Variants in EPHA5 observed in about 807,000 individuals in gnomAD.
EPHA5 encodes ephrin type-A receptor 5.
A neutral mutation model predicts 105.0 loss-of-function variants in EPHA5; 60 were observed. The ratio of observed to expected loss-of-function variants is 0.57; its 90% CI spans 0.46 to 0.71. The LOEUF is 0.71. Ranked by LOEUF, EPHA5 falls within the 30% of genes least tolerant of loss-of-function variation. The pLI is 0.00. For missense variants in EPHA5, 1,218 were observed against 1,274.7 expected, an observed-to-expected ratio of 0.96 and a Z score of 0.68; for synonymous variants, 513 against 449.1, an observed-to-expected ratio of 1.14 and a Z score of -1.80.
intron 2 of EPHA5, among the ~76,000 whole-genome samples, chr4:65,618,028 A>G (rs1479498078): frequency 2.0e-5 from 3 of 152,162 alleles, no homozygotes; most frequent in Non-Finnish European, 4.4e-5. Flanking sequence ...CTCCTCATAT[A>G]AAATAGAATG....
intron 1 of EPHA5, among the ~76,000 whole-genome samples, chr4:65,649,807 T>C (rs1748437265): frequency 6.6e-6 from 1 of 152,200 alleles, no homozygotes; most frequent in African/African-American, 2.4e-5. Flanking sequence ...TTGGTCATGA[T>C]CACGATAGAC....
intron 15 of EPHA5, among the ~76,000 whole-genome samples, chr4:65,332,565 C>A (rs1720730106): frequency 7.1e-6 from 1 of 140,118 alleles, no homozygotes; most frequent in Non-Finnish European, 1.5e-5. Context: ...AATACAGGTT[C>A]ATCAACGGTA....
At chr4:65,520,807 A>G (rs1734620836) in intron 3 of EPHA5, among the ~76,000 whole-genome samples, 1 of 152,202 alleles carries the variant, frequency 6.6e-6, no homozygotes, top group Admixed American at 6.5e-5. Flanking sequence ...GAGAAATGCA[A>G]ATCAAAACCA....
intron 3 of EPHA5, among the ~76,000 whole-genome samples, chr4:65,586,421 T>C (rs540540001): frequency 6.6e-6 from 1 of 151,912 alleles, no homozygotes; most frequent in Non-Finnish European, 1.5e-5. Context: ...TAGTTCTTTT[T>C]ATATCTTCTT....
At chr4:65,396,909 A>G (rs982018129) in intron 8 of EPHA5, among the ~76,000 whole-genome samples, 1 of 152,182 alleles carries the variant, frequency 6.6e-6, no homozygotes, top group African/African-American at 2.4e-5. Context: ...TACAATAGGA[A>G]TCAGAAGGAG....
intron 2 of EPHA5, among the ~76,000 whole-genome samples, chr4:65,624,304 A>C (rs1745950217): frequency 6.6e-6 from 1 of 152,186 alleles, no homozygotes; most frequent in South Asian, 2.1e-4. Context: ...ATTTCCATGA[A>C]TCTTGAAAAT....
chr4:65,622,248 T>C (rs1745769389), intron 2 of EPHA5, among the ~76,000 whole-genome samples: 1 of 152,122 alleles, frequency 6.6e-6, no homozygotes, highest in Non-Finnish European at 1.5e-5. Flanking sequence ...TTATAGTTTT[T>C]GATTAAATCT....
At chr4:65,645,778 T>C (rs1748066313) in intron 1 of EPHA5, among the ~76,000 whole-genome samples, 1 of 152,086 alleles carries the variant, frequency 6.6e-6, no homozygotes, top group Admixed American at 6.5e-5. Context: ...CTTACAGTGA[T>C]ATGGTCAAAT....
intron 2 of EPHA5, among the ~76,000 whole-genome samples, chr4:65,610,742 G>A (rs4565129): frequency 0.31 from 46,684 of 151,848 alleles, 7,311 homozygotes; most frequent in Non-Finnish European, 0.33. Flanking sequence ...CAACCCTATT[G>A]TATAGGGTAC....
chr4:65,570,703 A>C (rs1740043605), intron 3 of EPHA5, among the ~76,000 whole-genome samples: 1 of 151,966 alleles, frequency 6.6e-6, no homozygotes. Flanking sequence ...CCATCTCTGA[A>C]AAAAAATCGT....
intron 2 of EPHA5, among the ~76,000 whole-genome samples, chr4:65,626,100 C>CA (rs11304193): frequency 0.29 from 38,099 of 131,208 alleles, 5,382 homozygotes; most frequent in Non-Finnish European, 0.33. Context: ...CACTCCGTCT[C>CA]AAAAAAAAAA....
intron 3 of EPHA5, among the ~76,000 whole-genome samples, chr4:65,530,060 T>C (rs1351273534): frequency 6.6e-6 from 1 of 152,102 alleles, no homozygotes; most frequent in Admixed American, 6.5e-5. Flanking sequence ...ACAGAGATAA[T>C]ATAAGTTTTG....
At chr4:65,593,260 A>T (rs1560746019) in intron 3 of EPHA5, among the ~76,000 whole-genome samples, 1 of 152,146 alleles carries the variant, frequency 6.6e-6, no homozygotes. Flanking sequence ...GAACATTTTG[A>T]GGGGGAGAAA....
intron 5 of EPHA5, among the ~76,000 whole-genome samples, chr4:65,484,919 A>T (rs914004046): frequency 2.6e-5 from 4 of 152,070 alleles, no homozygotes; most frequent in Non-Finnish European, 4.4e-5. Flanking sequence ...GATACATTTC[A>T]TAAGTCCTAA....
chr4:65,442,188 A>G (rs1726083121), intron 5 of EPHA5, among the ~76,000 whole-genome samples: 1 of 152,074 alleles, frequency 6.6e-6, no homozygotes, highest in African/African-American at 2.4e-5. Flanking sequence ...ATGCAATGGA[A>G]TTTAAAACGG....
Position 65,498,283 on chromosome 4 carries a change from A to C in EPHA5, c.911-2740T>G, listed in dbSNP as rs192741100. Among the ~76,000 whole-genome samples the C allele has an allele frequency of 2.0e-4, 30 of 152,064 alleles. No homozygotes were observed. In the East Asian group the frequency reaches 5.8e-3, roughly 29 times the overall value. On this transcript the variant is annotated intron_variant, in intron 3 of 16. Transcript: ENST00000613740. ...CCACAAAAACCTTACATATTTTATT[A>C]GATATTTGGTACTTTATTTTATAGG...
intron 15 of EPHA5, among the ~76,000 whole-genome samples, chr4:65,332,889 A>C (rs1215867168): frequency 1.3e-5 from 2 of 151,924 alleles, no homozygotes; most frequent in Non-Finnish European, 2.9e-5. Flanking sequence ...CATTTAAGTA[A>C]ATTTATCTGG....
intron 3 of EPHA5, among the ~76,000 whole-genome samples, chr4:65,546,185 G>A (rs1247983586): frequency 2.6e-5 from 4 of 151,866 alleles, no homozygotes; most frequent in Admixed American, 2.0e-4. Flanking sequence ...TGAGTTCATG[G>A]TAAGGCAGTG....
intron 3 of EPHA5, among the ~76,000 whole-genome samples, chr4:65,506,600 G>T (rs1411429157): frequency 6.9e-6 from 1 of 145,714 alleles, no homozygotes; most frequent in Non-Finnish European, 1.5e-5. Flanking sequence ...CTGATGGCCA[G>T]TGATGATAAG....
Sources: allele counts gnomAD v4.1 joint callset (sites outside exome capture counted in the v4.1 genomes callset), GRCh38; gene constraint gnomAD v4.1.1; transcripts MANE v1.5; gene names NCBI Gene and HGNC (gene_info 2026-07-23, HGNC 2026-07-21).